HPSE2: variants seen among roughly 807,000 people sequenced by gnomAD.
HPSE2 encodes the protein inactive heparanase-2.
A neutral mutation model predicts 60.5 loss-of-function variants in HPSE2; 38 were observed. That is an observed-to-expected ratio of 0.63 (90% CI 0.48 to 0.82). The LOEUF (loss-of-function observed/expected upper bound fraction) is 0.82. Among genes scored for constraint, HPSE2 ranks in the 40% least tolerant of loss-of-function variants. The pLI is 0.00. For missense variants in HPSE2, 713 were observed against 740.4 expected, an observed-to-expected ratio of 0.96 and a Z score of 0.43; for synonymous variants, 295 against 293.2, an observed-to-expected ratio of 1.01 and a Z score of -0.06.
chr10:98,957,736 G>A (rs968776393), intron 3 of HPSE2, among the ~76,000 whole-genome samples: 11 of 152,064 alleles, frequency 7.2e-5, no homozygotes, highest in African/African-American at 2.7e-4. Context: ...TGGAGTGCTT[G>A]GGCTTTAACA....
chr10:98,484,590 T>C (rs1425458563), intron 10 of HPSE2, among the ~76,000 whole-genome samples: 1 of 152,238 alleles, frequency 6.6e-6, no homozygotes, highest in Admixed American at 6.5e-5. Flanking sequence ...AAGAGCAGTC[T>C]TTTGTCTGCA....
intron 3 of HPSE2, among the ~76,000 whole-genome samples, chr10:98,769,225 T>C (rs1214015627): frequency 3.3e-5 from 5 of 152,158 alleles, no homozygotes; most frequent in African/African-American, 1.2e-4. Flanking sequence ...TATCATCACA[T>C]AAATATCCAC....
At chr10:98,911,592 T>C (rs1463016397) in intron 3 of HPSE2, among the ~76,000 whole-genome samples, 2 of 151,656 alleles carry the variant, frequency 1.3e-5, no homozygotes, top group African/African-American at 4.8e-5. Flanking sequence ...GGAGCTGAGG[T>C]AGAGGGATAG....
At chr10:98,853,284 T>C (rs1442425230) in intron 3 of HPSE2, among the ~76,000 whole-genome samples, 1 of 152,190 alleles carries the variant, frequency 6.6e-6, no homozygotes, top group East Asian at 1.9e-4. Flanking sequence ...GTTTTCCCTC[T>C]TTTTTGCCAT....
chr10:99,056,963 G>A (rs1201105244), intron 3 of HPSE2, among the ~76,000 whole-genome samples: 2 of 152,206 alleles, frequency 1.3e-5, no homozygotes, highest in South Asian at 4.2e-4. Flanking sequence ...AGAACGTTAG[G>A]TTAAGCTTAA....
chr10:98,481,583 C>T (rs1368047598), intron 11 of HPSE2, among the ~76,000 whole-genome samples: 1 of 152,134 alleles, frequency 6.6e-6, no homozygotes, highest in African/African-American at 2.4e-5. Context: ...AGCATGTGAA[C>T]CGAGACTGAA....
intron 11 of HPSE2, among the ~76,000 whole-genome samples, chr10:98,474,356 C>T (rs1940910413): frequency 6.6e-6 from 1 of 151,886 alleles, no homozygotes; most frequent in Non-Finnish European, 1.5e-5. Flanking sequence ...GTGGCCAGTT[C>T]ACCCCTCAGG....
At chr10:98,842,911 C>T (rs1245063130) in intron 3 of HPSE2, among the ~76,000 whole-genome samples, 1 of 151,790 alleles carries the variant, frequency 6.6e-6, no homozygotes, top group Non-Finnish European at 1.5e-5. Flanking sequence ...TGTCTCCATA[C>T]TTTTGCCTTT....
chr10:99,078,620 A>G (rs1410781876), intron 3 of HPSE2, among the ~76,000 whole-genome samples: 1 of 152,168 alleles, frequency 6.6e-6, no homozygotes, highest in East Asian at 1.9e-4. Flanking sequence ...TTGATCTGTC[A>G]TTGGTTGAAT....
chr10:98,732,484 T>C (rs11189789), intron 4 of HPSE2, among the ~76,000 whole-genome samples: 22,198 of 152,072 alleles, frequency 0.15, 1,961 homozygotes, highest in Admixed American at 0.23. Flanking sequence ...AAACTATGTA[T>C]GGTCAATTGA....
At chr10:99,132,955 A>G (rs1425284260) in intron 3 of HPSE2, among the ~76,000 whole-genome samples, 1 of 152,056 alleles carries the variant, frequency 6.6e-6, no homozygotes, top group Non-Finnish European at 1.5e-5. Context: ...AGAGGGTCCC[A>G]CCCCCACAGA....
chr10:98,880,917 C>T (rs1241966134), intron 3 of HPSE2, among the ~76,000 whole-genome samples: 1 of 152,058 alleles, frequency 6.6e-6, no homozygotes, highest in African/African-American at 2.4e-5. Flanking sequence ...CCTAAGATTG[C>T]TTTCCCAGTC....
intron 2 of HPSE2, among the ~76,000 whole-genome samples, chr10:99,184,819 T>TATATATATAC (rs1554912295): frequency 1.0e-4 from 2 of 19,858 alleles, no homozygotes; most frequent in African/African-American, 3.3e-4. Context: ...TATATATATA[T>TATATATATAC]AGAGAGAGAG....
At chr10:98,469,272 A>T (rs1336081558) in intron 11 of HPSE2, among the ~76,000 whole-genome samples, 1 of 152,166 alleles carries the variant, frequency 6.6e-6, no homozygotes, top group African/African-American at 2.4e-5. Flanking sequence ...ATCTGGGGGA[A>T]GTTTGGAAAG....
At chr10:98,469,293 C>T (rs1439335439) in intron 11 of HPSE2, among the ~76,000 whole-genome samples, 1 of 152,132 alleles carries the variant, frequency 6.6e-6, no homozygotes, top group African/African-American at 2.4e-5. Context: ...AAAATCTGAT[C>T]CTGCAGCCAT....
intron 3 of HPSE2, among the ~76,000 whole-genome samples, chr10:98,980,468 T>G (rs1193330248): frequency 6.6e-6 from 1 of 152,154 alleles, no homozygotes; most frequent in East Asian, 1.9e-4. Context: ...GGATGTCTCA[T>G]GGTCAGAGCA....
intron 3 of HPSE2, among the ~76,000 whole-genome samples, chr10:98,795,055 GGAAGGAAGGAAA>G (rs1450121282): frequency 6.7e-6 from 1 of 148,214 alleles, no homozygotes; most frequent in Non-Finnish European, 1.5e-5. Flanking sequence ...AAGGAAGGAA[GGAAGGAAGGAAA>G]GAAGGAAGGA....
chr10:98,530,132 C>A (rs114769169), intron 9 of HPSE2, among the ~76,000 whole-genome samples: 1 of 152,114 alleles, frequency 6.6e-6, no homozygotes, highest in African/African-American at 2.4e-5. Context: ...TTCCTTCTGG[C>A]TGCTTCATTT....
intron 3 of HPSE2, among the ~76,000 whole-genome samples, chr10:99,068,628 C>T (rs1167760573): frequency 3.3e-5 from 5 of 151,948 alleles, no homozygotes; most frequent in African/African-American, 9.7e-5. Context: ...TGAACCATAT[C>T]GAGAGTGCAA....
Sources: gnomAD v4.1 joint callset for allele counts (sites outside exome capture counted in the v4.1 genomes callset) on GRCh38, gnomAD v4.1.1 for gene constraint, MANE v1.5 for transcripts, NCBI Gene and HGNC (gene_info 2026-07-23, HGNC 2026-07-21) for gene names.